Variants in SOX5 observed in about 807,000 individuals in gnomAD.
SOX5 encodes the protein SRY-box transcription factor 5.
SOX5 carries 9 observed loss-of-function variants against 92.0 expected under a neutral mutation model. That is an observed-to-expected ratio of 0.10 (90% CI 0.06 to 0.17). The LOEUF is 0.17. SOX5 is among the 10% of genes least tolerant of loss of function. The probability of loss-of-function intolerance (pLI) is 1.00; values close to 1 mark genes in which losing one functional copy is unlikely to be tolerated. For missense variants in SOX5, 642 were observed against 944.5 expected (o/e 0.68, Z 4.20); for synonymous variants, 344 against 336.3 (o/e 1.02, Z -0.25).
rs534504801 is a variant in SOX5 at position 23,582,743 on chromosome 12, T to C, written c.1165-6905A>G. ...AATATGTTCTAGCATCTCATTTGGC[T>C]TCCTTATTTGCCATTTTACACTTTT... On this transcript the variant is annotated intron_variant, in intron 9 of 14. Coordinates refer to ENST00000451604, the MANE Select transcript of SOX5 (RefSeq NM_006940.6). Among the ~76,000 whole-genome samples, 165 of 152,254 alleles carry C rather than the reference T, an allele frequency of 1.1e-3. 1 individual carries two copies. Among genetic ancestry groups the C allele is most frequent in the Non-Finnish European group, 1.2e-3 (81 of 68,016 alleles).
At chr12:23,928,797 A>G (rs994572066) in intron 1 of SOX5, among the ~76,000 whole-genome samples, 1 of 151,826 alleles carries the variant, frequency 6.6e-6, no homozygotes, top group South Asian at 2.1e-4. Flanking sequence ...TATGGCTAAT[A>G]AAAGTAGCAG....
At chr12:24,154,364 T>G (rs565689457) in intron 4 of SOX5, among the ~76,000 whole-genome samples, 1 of 152,134 alleles carries the variant, frequency 6.6e-6, no homozygotes, top group Admixed American at 6.5e-5. Context: ...TTATTCCCAA[T>G]AGAAGGTTCT....
intron 11 of SOX5, among the ~76,000 whole-genome samples, chr12:23,549,519 A>C (rs1332149530): frequency 6.6e-6 from 1 of 151,982 alleles, no homozygotes; most frequent in African/African-American, 2.4e-5. Context: ...GAAAATGACA[A>C]GATTGATTGG....
chr12:23,571,561 G>A (rs751855750), intron 10 of SOX5, among the ~76,000 whole-genome samples: 13 of 152,092 alleles, frequency 8.5e-5, no homozygotes, highest in African/African-American at 2.4e-4. Flanking sequence ...ATAAATGGCC[G>A]AGAAGAGCAT....
At chr12:24,221,902 G>A (rs1213871574) in intron 3 of SOX5, among the ~76,000 whole-genome samples, 1 of 152,192 alleles carries the variant, frequency 6.6e-6, no homozygotes, top group East Asian at 1.9e-4. Context: ...ATGGCATACT[G>A]TATTTTCAGA....
chr12:24,453,971 C>T (rs1378658548), intron 1 of SOX5, among the ~76,000 whole-genome samples: 2 of 152,100 alleles, frequency 1.3e-5, no homozygotes, highest in Non-Finnish European at 2.9e-5. Flanking sequence ...AGAGAGTTGC[C>T]ACATTACATT....
At chr12:23,550,626 C>G (rs991942087) in intron 11 of SOX5, among the ~76,000 whole-genome samples, 2 of 151,752 alleles carry the variant, frequency 1.3e-5, no homozygotes, top group African/African-American at 4.8e-5. Flanking sequence ...TAAATATTCT[C>G]AGAAATTTCC....
At chr12:23,852,781 G>A (rs1002450522) in intron 2 of SOX5, among the ~76,000 whole-genome samples, 4 of 151,974 alleles carry the variant, frequency 2.6e-5, no homozygotes, top group Admixed American at 1.3e-4. Flanking sequence ...TGGCATCACC[G>A]GGGAACACTT....
chr12:23,969,982 T>C (rs1054709550), intron 4 of SOX5, among the ~76,000 whole-genome samples: 1 of 152,212 alleles, frequency 6.6e-6, no homozygotes, highest in African/African-American at 2.4e-5. Flanking sequence ...CTCAAAGTTC[T>C]GTGGCCAACT....
At chr12:23,899,904 T>C (rs1344492813) in intron 1 of SOX5, among the ~76,000 whole-genome samples, 2 of 152,144 alleles carry the variant, frequency 1.3e-5, no homozygotes, top group East Asian at 3.8e-4. Flanking sequence ...TGAAAGACAG[T>C]TCAGTCCGTA....
At chr12:24,121,032 A>G (rs555094472) in intron 4 of SOX5, among the ~76,000 whole-genome samples, 1 of 152,304 alleles carries the variant, frequency 6.6e-6, no homozygotes, top group Non-Finnish European at 1.5e-5. Flanking sequence ...AACAGCACCA[A>G]CTAGGCACAT....
At chr12:23,943,508 T>TA (rs1944030867) in intron 1 of SOX5, among the ~76,000 whole-genome samples, 1 of 152,090 alleles carries the variant, frequency 6.6e-6, no homozygotes, top group South Asian at 2.1e-4. Context: ...GATCATCAGA[T>TA]ACATTTATAC....
At chr12:24,015,776 C>T (rs979046667) in intron 4 of SOX5, among the ~76,000 whole-genome samples, 3 of 151,986 alleles carry the variant, frequency 2.0e-5, no homozygotes, top group African/African-American at 7.3e-5. Flanking sequence ...CAAAAAAGGG[C>T]GCCCAAAAGG....
chr12:24,398,106 T>C (rs1047613428), intron 1 of SOX5, among the ~76,000 whole-genome samples: 1 of 152,150 alleles, frequency 6.6e-6, no homozygotes, highest in Non-Finnish European at 1.5e-5. Flanking sequence ...CACCTCGGCC[T>C]CCCAAAGTGC....
At chr12:23,646,317 T>G (rs1215485134) in intron 7 of SOX5, among the ~76,000 whole-genome samples, 2 of 152,104 alleles carry the variant, frequency 1.3e-5, no homozygotes, top group African/African-American at 2.4e-5. Flanking sequence ...TGGGACCACA[T>G]GCCCACACCA....
chr12:24,520,174 A>T (rs1950144228), intron 1 of SOX5, among the ~76,000 whole-genome samples: 1 of 152,202 alleles, frequency 6.6e-6, no homozygotes, highest in Admixed American at 6.5e-5. Context: ...CCCTGAAGAA[A>T]TGCTTAAAGG....
In SOX5 at chr12:24,322,502, C is replaced by T. The variant is rs75340406; in HGVS notation, c.-173-45190G>A. Among the ~76,000 whole-genome samples the T allele has an allele frequency of 7.0e-3, 1,059 of 152,246 alleles. 12 individuals carry two copies. The highest frequency in any genetic ancestry group is 0.024 in the African/African-American group (1,008 of 41,564). On this transcript the variant is annotated intron_variant, in intron 2 of 4. Coordinates refer to the SOX5 transcript ENST00000446891. ...TTGAAAATATGTGTGTGTATGCACA[C>T]GTAAGTGTGTCCTCTTATCCCTTCT... is the stretch of plus-strand genomic sequence containing the variant.
At chr12:23,880,753 C>T (rs1243089712) in intron 2 of SOX5, among the ~76,000 whole-genome samples, 1 of 152,144 alleles carries the variant, frequency 6.6e-6, no homozygotes, top group Non-Finnish European at 1.5e-5. Context: ...TGCCATCTTG[C>T]TTTCCCCTAT....
chr12:24,055,556 CA>C (rs1359741391), intron 4 of SOX5, among the ~76,000 whole-genome samples: 2 of 152,164 alleles, frequency 1.3e-5, no homozygotes, highest in African/African-American at 4.8e-5. Context: ...GAACCAGGAA[CA>C]ACATGTTGGT....
Sources: allele counts gnomAD v4.1 joint callset (sites outside exome capture counted in the v4.1 genomes callset), GRCh38; gene constraint gnomAD v4.1.1; transcripts MANE v1.5; gene names NCBI Gene and HGNC (gene_info 2026-07-23, HGNC 2026-07-21).